The following DAPP1 variants were observed in gnomAD, a reference collection of about 807,000 sequenced individuals.
The protein encoded by DAPP1 is dual adaptor of phosphotyrosine and 3-phosphoinositides 1, also known as dual adapter for phosphotyrosine and 3-phosphotyrosine and 3-phosphoinositide.
In DAPP1, 20 loss-of-function variants were observed where a neutral mutation model predicts 41.5. That is an observed-to-expected ratio of 0.48 (90% CI 0.34 to 0.70). DAPP1 has a LOEUF of 0.70. DAPP1 is among the 30% of genes least tolerant of loss of function. DAPP1 has a pLI of 0.01. For missense variants in DAPP1, 233 were observed against 333.4 expected, an observed-to-expected ratio of 0.70 and a Z score of 2.35; for synonymous variants, 113 against 116.2, an observed-to-expected ratio of 0.97 and a Z score of 0.18.
Position 99,842,810 on chromosome 4 carries a change from C to T in DAPP1, c.358+2388C>T, listed in dbSNP as rs188238547. Among the ~76,000 whole-genome samples, 1,002 of 151,846 alleles carry T rather than the reference C, an allele frequency of 6.6e-3. 7 individuals carry two copies. The highest frequency in any genetic ancestry group is 9.9e-3 in the Non-Finnish European group (674 of 67,948). On this transcript the variant is annotated intron_variant, in intron 3 of 8. Transcript: ENST00000512369. ...AGTGATCAGAAGATCTTCAGGCTAA[C>T]GATTTCATGTTCACCTTCAGATGAA...
At chr4:99,841,559 C>T (rs910318086) in intron 3 of DAPP1, among the ~76,000 whole-genome samples, 28 of 152,282 alleles carry the variant, frequency 1.8e-4, no homozygotes, top group South Asian at 4.1e-4. Context: ...AACAAATGGC[C>T]AGTGGAGGTG....
In DAPP1 at chr4:99,869,936, A is replaced by T. The variant is rs988020413; in HGVS notation, c.*1751A>T. ...CAGAGTCAGACTCCGTCCCAAAAAA[A>T]CAAACAAACAAAACAAAACAAAAAA... On this transcript the variant is annotated 3_prime_UTR_variant, in exon 9 of 9. Transcript: ENST00000512369. The T allele has an allele frequency of 2.6e-5, 4 of 151,460 alleles. No individual in the cohort carries two copies. The highest frequency in any genetic ancestry group is 9.7e-5 in the African/African-American group (4 of 41,276). The allele number at this position is 151,460 out of a possible 1,614,324, so 9.4% of individuals were successfully genotyped here.
chr4:99,838,357 T>C (rs1215207171), intron 2 of DAPP1, among the ~76,000 whole-genome samples: 1 of 152,238 alleles, frequency 6.6e-6, no homozygotes, highest in African/African-American at 2.4e-5. Context: ...ATTTTTGTTT[T>C]ATGAACAAAT....
At chr4:99,863,231 T>C (rs575970499) in intron 6 of DAPP1, among the ~76,000 whole-genome samples, 159 bp downstream of exon 6, 10 of 152,298 alleles carry the variant, frequency 6.6e-5, no homozygotes, top group African/African-American at 2.2e-4. Flanking sequence ...AGCAGAGTTA[T>C]TTTGCAAAGA....
At position 99,869,398 on chromosome 4, in the gene DAPP1, A is replaced by G. The variant is rs771469863; in HGVS notation, c.*1213A>G. On this transcript the variant is annotated 3_prime_UTR_variant, in exon 9 of 9. Transcript: ENST00000512369. Reference sequence around the variant, plus strand: ...TGTTTAGATAGAAGTTTCAAAGAAGATAAAAATGCTTGAAGAGCCTGAGAG... The same window carrying G: ...TGTTTAGATAGAAGTTTCAAAGAAGGTAAAAATGCTTGAAGAGCCTGAGAG... The G allele has an allele frequency of 6.6e-6, 1 of 152,216 alleles. No individual in the cohort carries two copies. The highest frequency in any genetic ancestry group is 1.5e-5 in the Non-Finnish European group (1 of 68,030). 9.4% of individuals were successfully genotyped at this position (152,216 alleles called of 1,614,324 possible).
intron 7 of DAPP1, 33 bp downstream of exon 7, chr4:99,863,888 T>C: frequency 7.2e-7 from 1 of 1,381,180 alleles, no homozygotes; most frequent in Non-Finnish European, 1.0e-6. Context: ...CGTTTTTTAA[T>C]GTCTTCTTGC....
At chr4:99,818,207 C>T (rs1453727304) in intron 1 of DAPP1, among the ~76,000 whole-genome samples, 1 of 152,130 alleles carries the variant, frequency 6.6e-6, no homozygotes, top group Non-Finnish European at 1.5e-5. Context: ...AAAGAAAACT[C>T]CCCTTATTAG....
At chr4:99,841,164 C>A (rs746324330) in intron 3 of DAPP1, among the ~76,000 whole-genome samples, 1 of 152,162 alleles carries the variant, frequency 6.6e-6, no homozygotes, top group Non-Finnish European at 1.5e-5. Flanking sequence ...CAAGAACCTG[C>A]GGCACAAGAG....
chr4:99,846,443 C>A (rs1723666856), intron 3 of DAPP1, among the ~76,000 whole-genome samples: 2 of 152,094 alleles, frequency 1.3e-5, no homozygotes, highest in African/African-American at 4.8e-5. Flanking sequence ...GTAGCTCATA[C>A]TTTAATGACT....
chr4:99,865,645 C>T (rs1260310431), intron 7 of DAPP1: 1 of 151,832 alleles, frequency 6.6e-6, no homozygotes, highest in African/African-American at 2.4e-5. Context: ...TGAATGAATA[C>T]ATAAGTGTTA....
At chr4:99,856,638 G>GT (rs1270001461) in intron 4 of DAPP1, among the ~76,000 whole-genome samples, 1 of 152,214 alleles carries the variant, frequency 6.6e-6, no homozygotes, top group Non-Finnish European at 1.5e-5. Context: ...TCATGCGTGA[G>GT]TGTCAAGAGC....
intron 1 of DAPP1, among the ~76,000 whole-genome samples, chr4:99,829,034 C>T (rs576041421): frequency 1.3e-5 from 2 of 152,246 alleles, no homozygotes; most frequent in Non-Finnish European, 2.9e-5. Context: ...CTATTCCCAA[C>T]TGCATAACAG....
chr4:99,846,149 A>C (rs1723657125), intron 3 of DAPP1, among the ~76,000 whole-genome samples: 1 of 152,172 alleles, frequency 6.6e-6, no homozygotes, highest in Non-Finnish European at 1.5e-5. Context: ...GCAAAAACTC[A>C]CATCTCCTTT....
At chr4:99,817,841 G>A (rs972035909) in intron 1 of DAPP1, among the ~76,000 whole-genome samples, 5 of 152,208 alleles carry the variant, frequency 3.3e-5, no homozygotes, top group Non-Finnish European at 4.4e-5. Context: ...CTTCTGCCTG[G>A]ACAAATAGCT....
intron 3 of DAPP1, among the ~76,000 whole-genome samples, chr4:99,851,231 G>T (rs982959828): frequency 6.6e-6 from 1 of 152,184 alleles, no homozygotes; most frequent in African/African-American, 2.4e-5. Context: ...CTGTTCTTAT[G>T]GGAAGATCAC....
At chr4:99,847,262 C>T (rs1723696326) in intron 3 of DAPP1, among the ~76,000 whole-genome samples, 1 of 152,112 alleles carries the variant, frequency 6.6e-6, no homozygotes, top group South Asian at 2.1e-4. Flanking sequence ...GTTTTGTGTA[C>T]CCTGTGCTAC....
Position 99,839,247 on chromosome 4 carries a change from G to C in DAPP1, c.225-1042G>C, listed in dbSNP as rs570875224. ...CTGGGTTCTCACAAGCCCATCAGAT[G>C]ATTCTGAAGCATGCTAACATGGTAG... On this transcript the variant is annotated intron_variant, in intron 2 of 8. Coordinates refer to ENST00000512369, the MANE Select transcript of DAPP1 (RefSeq NM_014395.3). Among the ~76,000 whole-genome samples, 12 of 152,130 alleles carry C rather than the reference G, an allele frequency of 7.9e-5. 1 individual carries two copies. In the South Asian group the frequency reaches 2.5e-3, roughly 32 times the overall value.
At chr4:99,840,068 G>A (rs116717120) in intron 2 of DAPP1, among the ~76,000 whole-genome samples, 1,667 of 152,120 alleles carry the variant, frequency 0.011, 40 homozygotes, top group African/African-American at 0.037. Flanking sequence ...TCTCAAAATA[G>A]TAAATAAATA....
chr4:99,838,091 G>A (rs994840217), intron 2 of DAPP1, among the ~76,000 whole-genome samples: 12 of 152,124 alleles, frequency 7.9e-5, no homozygotes, highest in Admixed American at 1.3e-4. Flanking sequence ...TTCTTGCTAC[G>A]TGGCTGGCAG....
Sources: gnomAD v4.1 joint callset for allele counts (sites outside exome capture counted in the v4.1 genomes callset) on GRCh38, gnomAD v4.1.1 for gene constraint, MANE v1.5 for transcripts, NCBI Gene and HGNC (gene_info 2026-07-23, HGNC 2026-07-21) for gene names.